The following PRRC2C variants were observed in gnomAD, a reference collection of about 807,000 sequenced individuals.
PRRC2C encodes proline rich coiled-coil 2C.
Under a neutral mutation model 317.2 loss-of-function variants are expected in PRRC2C, and 72 were observed. That is an observed-to-expected ratio of 0.23 (90% CI 0.19 to 0.28). PRRC2C has a LOEUF of 0.28. PRRC2C is among the 10% of genes least tolerant of loss of function. The pLI, the probability that PRRC2C is intolerant of heterozygous loss-of-function variation, is 1.00. For synonymous variants in PRRC2C, 1,296 were observed against 1,205.9 expected (o/e 1.07, Z -1.55); for missense variants, 3,074 against 3,459.7 (o/e 0.89, Z 2.80).
At chr1:171,557,033 T>C (rs1303353851) in intron 18 of PRRC2C, among the ~76,000 whole-genome samples, 1 of 152,224 alleles carries the variant, frequency 6.6e-6, no homozygotes, top group African/African-American at 2.4e-5. Flanking sequence ...ATGTCAAGAA[T>C]GTACAATACC....
rs536151351 is a variant in PRRC2C, at chr1:171,502,730, G to T, written c.-57-9302G>T. On this transcript the variant is annotated intron_variant, in intron 1 of 34. Transcript: ENST00000647382. ...CTCTAGTAGGCCTTAAAAGGACGTTGATTGTTGTTATTGAGATGGAGTTTT... is the reference window on the plus strand; with the variant it reads ...CTCTAGTAGGCCTTAAAAGGACGTTTATTGTTGTTATTGAGATGGAGTTTT... 3.9e-4 allele frequency among the ~76,000 whole-genome samples: 59 copies of T among 152,238 alleles called. 1 individual carries two copies. The highest frequency in any genetic ancestry group is 1.3e-3 in the Admixed American group (20 of 15,278).
rs1022878347 is a variant in PRRC2C at position 171,589,686 on chromosome 1, A to C, written c.8436+81A>C. The C allele has an allele frequency of 4.3e-5, 40 of 939,140 alleles. No individual in the cohort carries two copies. In the African/African-American group the frequency reaches 6.5e-4, roughly 15 times the overall value. The allele number at this position is 939,140 out of a possible 1,614,324, so 58.2% of individuals were successfully genotyped here. A position where few individuals can be genotyped will look rare whatever the true frequency, so the allele number is the denominator to read the frequency against. The stretch of plus-strand genomic sequence containing the variant: ...AAAATGCCTCTGGACCCATAACTGT[A>C]TATCCAGGCATTCATTGTCTTAGCA... On this transcript the variant is annotated intron_variant, in intron 34 of 34. Transcript: ENST00000647382.
At chr1:171,520,797 CTTTTTTTTT>C (rs61220175) in intron 6 of PRRC2C, among the ~76,000 whole-genome samples, 1 of 109,330 alleles carries the variant, frequency 9.1e-6, no homozygotes, top group East Asian at 2.8e-4. Context: ...ATTTCTTCTC[CTTTTTTTTT>C]TTTTTTTTTT....
chr1:171,487,953 A>G (rs1385690483), intron 1 of PRRC2C, among the ~76,000 whole-genome samples: 1 of 126,340 alleles, frequency 7.9e-6, no homozygotes, highest in Non-Finnish European at 1.8e-5. Context: ...TTTATGCTCT[A>G]CAGTAAATAT....
At position 171,545,468 on chromosome 1, in the gene PRRC2C, T is replaced by A. The variant is rs1346078376; in HGVS notation, c.4764-11T>A. 1 of 1,546,110 alleles carries A rather than the reference T, an allele frequency of 6.5e-7. No individual in the cohort carries two copies. Among genetic ancestry groups the A allele is most frequent in the Middle Eastern group, 1.7e-4 (1 of 5,924 alleles). Reference sequence around the variant, plus strand: ...GTGGAAATAGTAATATCTCAAGTTATTTTTTTGTAGGCCATTTGATGACCA... The same window carrying A: ...GTGGAAATAGTAATATCTCAAGTTAATTTTTTGTAGGCCATTTGATGACCA... On this transcript the variant is annotated splice_polypyrimidine_tract_variant and intron_variant, in intron 16 of 34. Transcript: ENST00000647382.
chr1:171,489,920 AT>A (rs34537475), intron 1 of PRRC2C, among the ~76,000 whole-genome samples: 2,034 of 150,288 alleles, frequency 0.014, 14 homozygotes, highest in African/African-American at 0.015. Context: ...ATTTAAACGA[AT>A]TTTTTTTTTC....
chr1:171,527,092 C>T (rs1674747795), intron 10 of PRRC2C, among the ~76,000 whole-genome samples: 2 of 151,500 alleles, frequency 1.3e-5, no homozygotes, highest in East Asian at 2.0e-4. Flanking sequence ...AGGCATGAGC[C>T]ACCGTGCCCG....
In PRRC2C at chr1:171,537,391, C is replaced by A; in HGVS notation, c.2422C>A (p.Leu808Met). 1 of 1,588,148 alleles carries A rather than the reference C, an allele frequency of 6.3e-7. No individual in the cohort carries two copies. The highest frequency in any genetic ancestry group is 8.6e-7 in the Non-Finnish European group (1 of 1,166,494). Residue 808 changes from leucine (L) to methionine (M), a missense_variant, in exon 15 of 35, where the codon CTG (leucine) becomes ATG (methionine). Around this residue, in one of 11 missense-constraint regions of PRRC2C, gnomAD observed 1,320 missense variants for 1,395.7 expected, o/e 0.95. Coordinates refer to ENST00000647382, the MANE Select transcript of PRRC2C (RefSeq NM_001387844.1). The stretch of plus-strand genomic sequence containing the variant: ...AATTTCCCTTTCTGAGCCTCGTATG[C>A]TGTGGGGGTCAGATCCCTATCCTCA... ...HAISLSEPRM[L>M]WGSDPYPHAE...
intron 4 of PRRC2C, 55 bp from the exon 5 acceptor site, chr1:171,515,679 T>A: frequency 3.6e-6 from 5 of 1,386,362 alleles, no homozygotes; most frequent in Non-Finnish European, 4.9e-6. Context: ...GAGGGTGGTT[T>A]GTATTATCTT....
intron 9 of PRRC2C, among the ~76,000 whole-genome samples, chr1:171,523,963 G>A (rs1019150255): frequency 9.9e-5 from 15 of 151,988 alleles, no homozygotes; most frequent in Admixed American, 9.8e-4. Context: ...TTGAATCCGG[G>A]AGGCGGAGGT....
intron 1 of PRRC2C, among the ~76,000 whole-genome samples, chr1:171,500,848 C>T (rs1049845406): frequency 6.6e-6 from 1 of 152,022 alleles, no homozygotes; most frequent in African/African-American, 2.4e-5. Context: ...AAAACTGTTA[C>T]AAGGTAATAT....
At chr1:171,590,392 C>G (rs1268265895) in intron 34 of PRRC2C, among the ~76,000 whole-genome samples, 2 of 152,146 alleles carry the variant, frequency 1.3e-5, no homozygotes, top group Non-Finnish European at 2.9e-5. Context: ...CCGTTTATTT[C>G]TATATTTACT....
intron 29 of PRRC2C, 53 bp downstream of exon 29, chr1:171,584,240 T>A: frequency 2.0e-6 from 3 of 1,468,276 alleles, no homozygotes; most frequent in Non-Finnish European, 2.8e-6. Flanking sequence ...ATGCCACAGA[T>A]CATTTTAAGG....
chr1:171,492,354 T>C lies in PRRC2C; in HGVS notation c.-58+6619T>C, dbSNP rs536277868. Among the ~76,000 whole-genome samples, 9 of 152,352 alleles carry C rather than the reference T, an allele frequency of 5.9e-5. No homozygotes were observed. In the South Asian group the frequency reaches 1.2e-3, roughly 21 times the overall value. ...AAAAAATATTTTGATTATACTGTTATATTTATGACAAACTTGAACATAGAA... is the reference window on the plus strand; with the variant it reads ...AAAAAATATTTTGATTATACTGTTACATTTATGACAAACTTGAACATAGAA... On this transcript the variant is annotated intron_variant, in intron 1 of 34. Coordinates refer to ENST00000647382, the MANE Select transcript of PRRC2C (RefSeq NM_001387844.1).
rs1671401230 is a variant in PRRC2C at position 171,511,560 on chromosome 1, G to A, written c.-57-472G>A. On this transcript the variant is annotated intron_variant, in intron 1 of 34. Coordinates refer to ENST00000647382, the MANE Select transcript of PRRC2C (RefSeq NM_001387844.1). ...CGAAATGAAGAGAACATAGAACGTTGTTTCTGTTCTAAACTGTTAAAGTTA... is the reference window on the plus strand; with the variant it reads ...CGAAATGAAGAGAACATAGAACGTTATTTCTGTTCTAAACTGTTAAAGTTA... 2.0e-5 allele frequency: 3 copies of A among 152,276 alleles called. No individual in the cohort carries two copies. The South Asian group carries it at 6.2e-4, about 32-fold the overall frequency. The allele number at this position is 152,276 out of a possible 1,614,324, so 9.4% of individuals were successfully genotyped here. A position where few individuals can be genotyped will look rare whatever the true frequency, so the allele number is the denominator to read the frequency against.
At chr1:171,498,943 G>C (rs1382709136) in intron 1 of PRRC2C, among the ~76,000 whole-genome samples, 1 of 152,054 alleles carries the variant, frequency 6.6e-6, no homozygotes, top group Non-Finnish European at 1.5e-5. Flanking sequence ...CTGGGACGGG[G>C]ACTATAAACA....
chr1:171,530,054 G>A (rs1483929894), intron 11 of PRRC2C, among the ~76,000 whole-genome samples: 1 of 152,058 alleles, frequency 6.6e-6, no homozygotes, highest in African/African-American at 2.4e-5. Flanking sequence ...CTAGAAAAAA[G>A]TATAGAAGAT....
chr1:171,582,054 G>A (rs1446475894), intron 28 of PRRC2C, among the ~76,000 whole-genome samples: 1 of 152,102 alleles, frequency 6.6e-6, no homozygotes, highest in Non-Finnish European at 1.5e-5. Flanking sequence ...ATCTTCATGG[G>A]TAACTCTGAC....
intron 12 of PRRC2C, among the ~76,000 whole-genome samples, chr1:171,533,544 T>C (rs1676252686): frequency 6.6e-6 from 1 of 152,246 alleles, no homozygotes; most frequent in African/African-American, 2.4e-5. Flanking sequence ...GACTGATTAA[T>C]GGCATTCAAA....
Sources: gnomAD v4.1 joint callset for allele counts (sites outside exome capture counted in the v4.1 genomes callset) on GRCh38, gnomAD v4.1.1 for gene constraint, gnomAD v4.1.1 regional missense constraint, MANE v1.5 for transcripts, NCBI Gene and HGNC (gene_info 2026-07-23, HGNC 2026-07-21) for gene names.